Variants in CATSPERE observed in about 807,000 individuals in gnomAD.
CATSPERE encodes catsper channel auxiliary subunit epsilon.
In CATSPERE, 93 loss-of-function variants were observed where a neutral mutation model predicts 114.1. The observed-to-expected ratio is 0.81, with a 90% CI of 0.69 to 0.97. The LOEUF (loss-of-function observed/expected upper bound fraction) is 0.97. CATSPERE is among the 50% of genes least tolerant of loss of function. The probability of loss-of-function intolerance (pLI) is 0.00; values close to 1 mark genes in which losing one functional copy is unlikely to be tolerated. For missense variants in CATSPERE, 1,058 were observed against 1,131.6 expected (o/e 0.93, Z 0.93); for synonymous variants, 341 against 384.1 (o/e 0.89, Z 1.31).
rs1558610997 is a variant in CATSPERE at position 244,621,254 on chromosome 1, T to TAAATATATTTATAC, written c.2648+3569_2648+3570insAATATATTTATACA. The stretch of plus-strand genomic sequence containing the variant: ...ATATATTTATATAGATATATTTATA[T>TAAATATATTTATAC]AGATATATTTATATAGATATATCTA... On this transcript the variant is annotated intron_variant, in intron 20 of 21. Coordinates refer to ENST00000366534, the MANE Select transcript of CATSPERE (RefSeq NM_001130957.2). 3.6e-4 allele frequency among the ~76,000 whole-genome samples: 11 copies of TAAATATATTTATAC among 30,674 alleles called. 5 individuals carry two copies. Among genetic ancestry groups the TAAATATATTTATAC allele is most frequent in the Admixed American group, 8.1e-4 (2 of 2,470 alleles). The allele number at this position is 30,674 out of a possible 152,430, so 20.1% of individuals were successfully genotyped here. A position where few individuals can be genotyped will look rare whatever the true frequency, so the allele number is the denominator to read the frequency against.
At chr1:244,452,082 G>C (rs1027435916), upstream of CATSPERE, 19 of 309,824 alleles carry the variant, frequency 6.1e-5, no homozygotes, top group East Asian at 9.7e-4. Context: ...GGCAACGGCC[G>C]CCACCCCGGA....
intron 8 of CATSPERE, among the ~76,000 whole-genome samples, chr1:244,534,220 A>G (rs975042535): frequency 6.6e-6 from 1 of 151,812 alleles, no homozygotes; most frequent in Non-Finnish European, 1.5e-5. Context: ...TAGTAGTTTG[A>G]TATTAAATGT....
At chr1:244,475,560 C>T (rs759476504) in intron 2 of CATSPERE, among the ~76,000 whole-genome samples, 18 of 112,560 alleles carry the variant, frequency 1.6e-4, no homozygotes, top group East Asian at 3.0e-4. Flanking sequence ...TTTTTTGAGA[C>T]GGAGTCTCAC....
chr1:244,490,095 A>C (rs12132563), intron 5 of CATSPERE, among the ~76,000 whole-genome samples: 7,247 of 152,234 alleles, frequency 0.048, 234 homozygotes, highest in East Asian at 0.1. Flanking sequence ...ATCAACAAGG[A>C]CAAATGATGC....
At chr1:244,521,287 G>C (rs1042629225) in intron 8 of CATSPERE, among the ~76,000 whole-genome samples, 1 of 152,170 alleles carries the variant, frequency 6.6e-6, no homozygotes, top group Non-Finnish European at 1.5e-5. Flanking sequence ...CCAGGAATTT[G>C]AGGCCACAGT....
chr1:244,495,214 T>C (rs1482085662), intron 6 of CATSPERE, among the ~76,000 whole-genome samples: 1 of 152,154 alleles, frequency 6.6e-6, no homozygotes, highest in Non-Finnish European at 1.5e-5. Flanking sequence ...AAGCCAGAGT[T>C]GCAAGATTGA....
chr1:244,508,169 T>TAA (rs1389202795), intron 7 of CATSPERE, among the ~76,000 whole-genome samples: 195 of 152,274 alleles, frequency 1.3e-3, no homozygotes, highest in African/African-American at 4.6e-3. Flanking sequence ...TACTTTTCTT[T>TAA]GTAGAGGTCT....
At chr1:244,533,431 T>C (rs970716800) in intron 8 of CATSPERE, among the ~76,000 whole-genome samples, 1 of 152,118 alleles carries the variant, frequency 6.6e-6, no homozygotes, top group East Asian at 1.9e-4. Flanking sequence ...TGGTCTTCTC[T>C]TCCTTCTTTT....
At chr1:244,517,605 C>G (rs1676847946) in intron 7 of CATSPERE, among the ~76,000 whole-genome samples, 1 of 151,746 alleles carries the variant, frequency 6.6e-6, no homozygotes, top group African/African-American at 2.4e-5. Flanking sequence ...AACCCTGTCT[C>G]TACCAAATAT....
intron 8 of CATSPERE, among the ~76,000 whole-genome samples, chr1:244,534,118 G>A (rs1444731281): frequency 3.3e-5 from 5 of 152,102 alleles, no homozygotes; most frequent in African/African-American, 1.2e-4. Context: ...CCACTGAAAT[G>A]TCTGCTGCCA....
At chr1:244,632,925 G>A (rs988557440) in intron 20 of CATSPERE, among the ~76,000 whole-genome samples, 1 of 152,066 alleles carries the variant, frequency 6.6e-6, no homozygotes, top group African/African-American at 2.4e-5. Context: ...GACATAGATT[G>A]ATTAAAAGTA....
chr1:244,557,585 A>AG (rs1661852700), intron 9 of CATSPERE, among the ~76,000 whole-genome samples: 3 of 107,084 alleles, frequency 2.8e-5, no homozygotes, highest in Admixed American at 9.7e-5. Flanking sequence ...ATATATATAA[A>AG]ATCTCCCAGG....
At chr1:244,629,175 A>G (rs1342299818) in intron 20 of CATSPERE, among the ~76,000 whole-genome samples, 1 of 152,202 alleles carries the variant, frequency 6.6e-6, no homozygotes, top group Non-Finnish European at 1.5e-5. Flanking sequence ...TTCCGCAGTC[A>G]CACAGCTTCC....
chr1:244,455,880 T>C (rs942358645), intron 1 of CATSPERE, among the ~76,000 whole-genome samples: 1 of 152,142 alleles, frequency 6.6e-6, no homozygotes, highest in Non-Finnish European at 1.5e-5. Flanking sequence ...TCTATTCTGT[T>C]TTGCATTGTG....
intron 2 of CATSPERE, among the ~76,000 whole-genome samples, chr1:244,466,967 C>T (rs925403246): frequency 3.3e-5 from 5 of 152,140 alleles, no homozygotes; most frequent in African/African-American, 9.7e-5. Context: ...GATTTTCAGT[C>T]GTTCAGAACC....
chr1:244,590,679 A>C (rs536425103), intron 14 of CATSPERE, among the ~76,000 whole-genome samples: 32 of 152,328 alleles, frequency 2.1e-4, no homozygotes, highest in African/African-American at 7.0e-4. Flanking sequence ...AATATTTCAC[A>C]TAAATGGAAT....
chr1:244,631,035 TTCCTC>T (rs1165814331), intron 20 of CATSPERE, among the ~76,000 whole-genome samples: 4 of 152,312 alleles, frequency 2.6e-5, no homozygotes, highest in African/African-American at 9.6e-5. Flanking sequence ...TGTGTAACCC[TTCCTC>T]TCCTGAGTTT....
At chr1:244,601,211 T>G (rs1669172149) in intron 17 of CATSPERE, among the ~76,000 whole-genome samples, 1 of 152,034 alleles carries the variant, frequency 6.6e-6, no homozygotes, top group South Asian at 2.1e-4. Flanking sequence ...ATGTGGAAAT[T>G]AACCAGGATG....
At chr1:244,468,421 T>TA (rs1667959511) in intron 2 of CATSPERE, among the ~76,000 whole-genome samples, 1 of 152,170 alleles carries the variant, frequency 6.6e-6, no homozygotes, top group South Asian at 2.1e-4. Context: ...TCATCTTTTT[T>TA]ATCTCGATTT....
Sources: allele counts gnomAD v4.1 joint callset (sites outside exome capture counted in the v4.1 genomes callset), GRCh38; gene constraint gnomAD v4.1.1; transcripts MANE v1.5; gene names NCBI Gene and HGNC (gene_info 2026-07-23, HGNC 2026-07-21).